Variants in APBB1IP observed in about 807,000 individuals in gnomAD.
The protein encoded by APBB1IP is amyloid beta precursor protein binding family B member 1 interacting protein.
A neutral mutation model predicts 64.9 loss-of-function variants in APBB1IP; 27 were observed. That is an observed-to-expected ratio of 0.42 (90% CI 0.31 to 0.57). The LOEUF is 0.57. APBB1IP is among the 20% of genes least tolerant of loss of function. The pLI, the probability that APBB1IP is intolerant of heterozygous loss-of-function variation, is 0.20. For missense variants in APBB1IP, 812 were observed against 845.5 expected, an observed-to-expected ratio of 0.96 and a Z score of 0.49; for synonymous variants, 392 against 331.0, an observed-to-expected ratio of 1.18 and a Z score of -2.00.
rs772784067 is a variant in APBB1IP, at chr10:26,567,407, C to A, written c.1920C>A (p.Pro640=). 91 of 1,601,456 alleles carry A rather than the reference C, an allele frequency of 5.7e-5. No individual in the cohort carries two copies. The South Asian group carries it at 9.9e-4, about 18-fold the overall frequency. ...AGAGGCAAGAGAACCCAGGGCACCC[C>A]GGCGGAGCAGGAGGCGGGGAGCAAG... The part of the protein sequence containing the change: ...PPKRQENPGH[P]GGAGGGEQDF... Residue 640 remains proline (P), a synonymous_variant, in exon 15 of 15, where the codon CCC becomes CCA. Transcript: ENST00000376236.
At chr10:26,471,311 A>C (rs890224631) in intron 2 of APBB1IP, among the ~76,000 whole-genome samples, 2 of 152,216 alleles carry the variant, frequency 1.3e-5, no homozygotes, top group African/African-American at 4.8e-5. Context: ...ACACGGGGCT[A>C]ATTCTGCAAG....
intron 11 of APBB1IP, among the ~76,000 whole-genome samples, chr10:26,547,138 T>C (rs1836775760): frequency 6.6e-6 from 1 of 152,216 alleles, no homozygotes; most frequent in African/African-American, 2.4e-5. Context: ...TGCATTTCCT[T>C]GGTGGTTAGT....
chr10:26,518,479 T>C (rs1007454268), intron 8 of APBB1IP, among the ~76,000 whole-genome samples: 1 of 152,124 alleles, frequency 6.6e-6, no homozygotes, highest in Non-Finnish European at 1.5e-5. Flanking sequence ...TGTTTAGTTA[T>C]AGTAGATACT....
chr10:26,486,604 G>C (rs557056466), intron 2 of APBB1IP, among the ~76,000 whole-genome samples: 1 of 152,226 alleles, frequency 6.6e-6, no homozygotes, highest in Admixed American at 6.5e-5. Context: ...TGCAATAAAG[G>C]CCGCCCTCAT....
chr10:26,500,659 G>A lies in APBB1IP; in HGVS notation c.161-160G>A, dbSNP rs143662061. Reference sequence around the variant, plus strand: ...CAACAGTTCTTTTAGGAATTCCTACGCTTGTGCTATTGAATTAAAATATTC... The same window carrying A: ...CAACAGTTCTTTTAGGAATTCCTACACTTGTGCTATTGAATTAAAATATTC... On this transcript the variant is annotated intron_variant, in intron 4 of 14. Coordinates refer to ENST00000376236, the MANE Select transcript of APBB1IP (RefSeq NM_019043.4). Among the ~76,000 whole-genome samples the A allele has an allele frequency of 1.6e-4, 24 of 152,216 alleles. No homozygotes were observed. The East Asian group carries it at 3.9e-3, about 24-fold the overall frequency.
chr10:26,567,287 G>A lies in APBB1IP; in HGVS notation c.1800G>A (p.Pro600=). The change falls in exon 15 of 15, where the codon CCG becomes CCA. Residue 600 remains proline, a synonymous_variant. Transcript: ENST00000376236. Reference sequence around the variant, plus strand: ...GGATCGCGGGCTCAGAGCTGCCCCCGCCGCCGCCGCCGCCGCCCGCGCCCG... The same window carrying A: ...GGATCGCGGGCTCAGAGCTGCCCCCACCGCCGCCGCCGCCGCCCGCGCCCG... ...YAGIAGSELP[P]PPPPPPAPAP... 1.1e-6 allele frequency: 1 copy of A among 892,276 alleles called. No homozygotes were observed. Among genetic ancestry groups the A allele is most frequent in the Non-Finnish European group, 1.4e-6 (1 of 733,128 alleles). 55.3% of individuals were successfully genotyped at this position (892,276 alleles called of 1,614,324 possible).
chr10:26,561,121 T>C (rs1300243527), intron 13 of APBB1IP, among the ~76,000 whole-genome samples: 1 of 128,160 alleles, frequency 7.8e-6, no homozygotes, highest in African/African-American at 3.0e-5. Flanking sequence ...CAGGCTGGAG[T>C]GCAGTGGCGG....
intron 2 of APBB1IP, among the ~76,000 whole-genome samples, chr10:26,446,014 C>T (rs117118062): frequency 0.039 from 5,908 of 152,216 alleles, 157 homozygotes; most frequent in Middle Eastern, 0.071. Flanking sequence ...GTGTTTTCCA[C>T]GGGGCAGAAG....
rs77049963 is a variant in APBB1IP at position 26,543,877 on chromosome 10, G to T, written c.1155+2185G>T. On this transcript the variant is annotated intron_variant, in intron 11 of 14. Coordinates refer to ENST00000376236, the MANE Select transcript of APBB1IP (RefSeq NM_019043.4). ...CAGGAATTGGAAAGCCCTGAGGTGAGGGAGGTCTGTTTGTTCCGAAGGAAG... is the reference window on the plus strand; with the variant it reads ...CAGGAATTGGAAAGCCCTGAGGTGATGGAGGTCTGTTTGTTCCGAAGGAAG... Among the ~76,000 whole-genome samples the T allele has an allele frequency of 6.1e-3, 932 of 152,306 alleles. 17 individuals are homozygous for T. Among genetic ancestry groups the T allele is most frequent in the South Asian group, 0.056 (268 of 4,824 alleles).
At chr10:26,501,469 TAG>T in intron 5 of APBB1IP, 2 of 412,780 alleles carry the variant, frequency 4.8e-6, no homozygotes, top group South Asian at 1.0e-4. Flanking sequence ...GCTCAGTACA[TAG>T]AGAATAGAAG....
chr10:26,540,418 T>C (rs1279300892), intron 10 of APBB1IP, among the ~76,000 whole-genome samples: 1 of 152,058 alleles, frequency 6.6e-6, no homozygotes, highest in Non-Finnish European at 1.5e-5. Flanking sequence ...AATAGAATAC[T>C]ACCAAACTAT....
rs1368578887 is a variant in APBB1IP, at chr10:26,513,558, T to C, written c.711T>C (p.His237=). 7 of 1,611,898 alleles carry C rather than the reference T, an allele frequency of 4.3e-6. No individual in the cohort carries two copies. Among genetic ancestry groups the C allele is most frequent in the Non-Finnish European group, 5.9e-6 (7 of 1,179,530 alleles). Residue 237 remains histidine (H), a synonymous_variant, in exon 8 of 15, where the codon CAT becomes CAC. Transcript: ENST00000376236. ...ELQIERFFED[H]ENVVEVLSDW... ...CATCAGAGAGGTTTTTTGAAGACCATGAAAATGTTGTTGAAGTCTTATCAG... is the reference window on the plus strand; with the variant it reads ...CATCAGAGAGGTTTTTTGAAGACCACGAAAATGTTGTTGAAGTCTTATCAG...
At chr10:26,489,301 T>C (rs909376704) in intron 2 of APBB1IP, among the ~76,000 whole-genome samples, 1 of 152,160 alleles carries the variant, frequency 6.6e-6, no homozygotes, top group African/African-American at 2.4e-5. Flanking sequence ...AGCAGAACAT[T>C]CAGATGGAAA....
In APBB1IP at chr10:26,494,799, T is replaced by C. The variant is rs374591295; in HGVS notation, c.73-1505T>C. Among the ~76,000 whole-genome samples, 4 of 152,190 alleles carry C rather than the reference T, an allele frequency of 2.6e-5. No individual in the cohort carries two copies. The East Asian group carries it at 7.8e-4, about 29-fold the overall frequency. Reference sequence around the variant, plus strand: ...GAGATTGTGCCATTGCACTCCAGCCTGGGCAACAGAGTGAGACTCCATCTC... The same window carrying C: ...GAGATTGTGCCATTGCACTCCAGCCCGGGCAACAGAGTGAGACTCCATCTC... On this transcript the variant is annotated intron_variant, in intron 3 of 14. Transcript: ENST00000376236.
At chr10:26,469,368 C>T (rs1374740527) in intron 2 of APBB1IP, among the ~76,000 whole-genome samples, 5 of 149,674 alleles carry the variant, frequency 3.3e-5, no homozygotes, top group African/African-American at 1.2e-4. Context: ...AAGCCATTCT[C>T]CCAACCTCAA....
rs34053861 is a variant in APBB1IP, at chr10:26,474,079, A to AT, written c.1-18240dup. 1.6e-3 allele frequency among the ~76,000 whole-genome samples: 241 copies of AT among 150,352 alleles called. 1 individual carries two copies. The highest frequency in any genetic ancestry group is 4.3e-3 in the African/African-American group (177 of 40,816). On this transcript the variant is annotated intron_variant, in intron 2 of 14. Transcript: ENST00000376236. ...ACTATTTCTCCTTTTGGTTTCAGTG[A>AT]TTTTTTTTAATGTTCTCCAGCAATT...
At chr10:26,472,861 C>T (rs1835735642) in intron 2 of APBB1IP, among the ~76,000 whole-genome samples, 3 of 151,014 alleles carry the variant, frequency 2.0e-5, no homozygotes, top group East Asian at 1.9e-4. Context: ...CACTTGAACC[C>T]GGGAGGCAGA....
In APBB1IP at chr10:26,500,965, A is replaced by T; in HGVS notation, c.307A>T (p.Ile103Phe). 1 of 1,614,174 alleles carries T rather than the reference A, an allele frequency of 6.2e-7. No individual in the cohort carries two copies. ...QHHSASLQAS[I>F]FSGAASLGYG... ...TCATTCAGCATCTCTACAAGCATCA[A>T]TTTTCAGTGGTGCAGCCTCTCTTGG... The change falls in exon 5 of 15, where the codon ATT (isoleucine) becomes TTT (phenylalanine). Residue 103 changes from isoleucine to phenylalanine, a missense_variant. By Grantham distance (21) the Ile-to-Phe change is conservative. Transcript: ENST00000376236.
At chr10:26,548,365 G>A (rs1836792840) in intron 11 of APBB1IP, among the ~76,000 whole-genome samples, 2 of 141,902 alleles carry the variant, frequency 1.4e-5, no homozygotes, top group Non-Finnish European at 3.0e-5. Flanking sequence ...AGGCCCCGGT[G>A]TGTGATGTTC....
Sources: allele counts gnomAD v4.1 joint callset (sites outside exome capture counted in the v4.1 genomes callset), GRCh38; gene constraint gnomAD v4.1.1; transcripts MANE v1.5; gene names NCBI Gene and HGNC (gene_info 2026-07-23, HGNC 2026-07-21).